The following RBM19 variants were observed in gnomAD, a reference collection of about 807,000 sequenced individuals.
RBM19 encodes the protein RNA binding motif protein 19.
A neutral mutation model predicts 116.8 loss-of-function variants in RBM19; 94 were observed. The observed-to-expected ratio is 0.80, with a 90% CI of 0.68 to 0.95. RBM19 has a LOEUF of 0.95. RBM19 is among the 40% of genes least tolerant of loss of function. The probability of loss-of-function intolerance (pLI) is 0.00; values close to 1 mark genes in which losing one functional copy is unlikely to be tolerated. For missense variants in RBM19, 1,161 were observed against 1,220.7 expected (o/e 0.95, Z 0.73); for synonymous variants, 475 against 494.1 (o/e 0.96, Z 0.51).
At chr12:113,865,899 A>ATTC (rs1878768328) in intron 21 of RBM19, among the ~76,000 whole-genome samples, 1 of 152,122 alleles carries the variant, frequency 6.6e-6, no homozygotes, top group Non-Finnish European at 1.5e-5. Flanking sequence ...AATGATGTTC[A>ATTC]AATCATGTGC....
intron 22 of RBM19, among the ~76,000 whole-genome samples, chr12:113,857,719 G>T (rs2135739197): frequency 6.6e-6 from 1 of 152,356 alleles, no homozygotes; most frequent in East Asian, 1.9e-4. Context: ...CTCTCCGAGG[G>T]TCCCCATGCG....
intron 8 of RBM19, among the ~76,000 whole-genome samples, chr12:113,950,475 T>C (rs538989170): frequency 6.6e-6 from 1 of 152,300 alleles, no homozygotes; most frequent in East Asian, 1.9e-4. Flanking sequence ...TAAGCCATTC[T>C]CTGGAGAAGG....
chr12:113,912,974 C>G (rs570738296), intron 21 of RBM19, among the ~76,000 whole-genome samples: 2 of 152,120 alleles, frequency 1.3e-5, no homozygotes, highest in African/African-American at 4.8e-5. Context: ...GAAGGTCTTA[C>G]GTTTCCAGGG....
intron 6 of RBM19, among the ~76,000 whole-genome samples, chr12:113,955,773 T>C (rs1320939613): frequency 1.3e-5 from 2 of 152,236 alleles, no homozygotes; most frequent in East Asian, 3.9e-4. Flanking sequence ...TGAGCCCATA[T>C]ATAGCTTATG....
intron 21 of RBM19, among the ~76,000 whole-genome samples, chr12:113,871,171 C>T (rs994081171): frequency 9.2e-5 from 14 of 152,206 alleles, no homozygotes; most frequent in Non-Finnish European, 1.6e-4. Flanking sequence ...CCTCAAGACT[C>T]CAGAGAAGCC....
chr12:113,935,575 C>T (rs146602587), intron 16 of RBM19, among the ~76,000 whole-genome samples: 3 of 152,134 alleles, frequency 2.0e-5, no homozygotes, highest in East Asian at 3.9e-4. Context: ...GTCCTCAGAT[C>T]GCAAAGGGAC....
chr12:113,835,749 C>T (rs1434753163), intron 23 of RBM19, among the ~76,000 whole-genome samples: 1 of 152,234 alleles, frequency 6.6e-6, no homozygotes, highest in Non-Finnish European at 1.5e-5. Context: ...GAAGGCCCCA[C>T]TGCCAGCCAC....
Position 113,959,344 on chromosome 12 carries a change from C to T in RBM19, c.439G>A (p.Ala147Thr). ...TCCAGGCCATCATTCGCCCAAGTGG[C>T]TGCCTGCGCCCGCCTCTGATGAACT... ...LSVHQRRAQA[A>T]TWANDGLDAE... is the part of the protein sequence containing the mutation. The change falls in exon 5 of 24, where the codon GCC becomes ACC. Residue 147 changes from alanine to threonine, a missense_variant. Transcript: ENST00000261741. 1.9e-6 allele frequency: 3 copies of T among 1,613,480 alleles called. No individual in the cohort carries two copies. The highest frequency in any genetic ancestry group is 1.7e-6 in the Non-Finnish European group (2 of 1,179,408).
At chr12:113,887,724 C>T (rs189711923) in intron 21 of RBM19, among the ~76,000 whole-genome samples, 4 of 151,752 alleles carry the variant, frequency 2.6e-5, no homozygotes, top group Admixed American at 2.0e-4. Flanking sequence ...CTCAGGCACC[C>T]AACCTTTTTG....
At position 113,851,374 on chromosome 12, in the gene RBM19, C is replaced by T. The variant is rs865856129; in HGVS notation, c.2665-6586G>A. ...AGCTGATTGTGAGGCAAACATGAGA[C>T]GAGGAGACAAAAGTGGGACACACTT... On this transcript the variant is annotated intron_variant, in intron 22 of 23. Transcript: ENST00000261741. Among the ~76,000 whole-genome samples, 28 of 152,228 alleles carry T rather than the reference C, an allele frequency of 1.8e-4. No homozygotes were observed. The Middle Eastern group carries it at 0.01, about 55-fold the overall frequency.
At chr12:113,901,844 A>T (rs919375026) in intron 21 of RBM19, among the ~76,000 whole-genome samples, 6 of 152,308 alleles carry the variant, frequency 3.9e-5, no homozygotes, top group Admixed American at 3.3e-4. Flanking sequence ...CATCCTTAAC[A>T]AACAGTTAAC....
chr12:113,947,587 C>T (rs1401608072), intron 10 of RBM19, 123 bp from the exon 11 acceptor site: 21 of 1,054,218 alleles, frequency 2.0e-5, no homozygotes, highest in Middle Eastern at 2.9e-4. Context: ...CAGTCCCCTA[C>T]GTGTGTCTAT....
At chr12:113,862,386 T>C (rs1878467646) in intron 21 of RBM19, among the ~76,000 whole-genome samples, 1 of 152,034 alleles carries the variant, frequency 6.6e-6, no homozygotes, top group Non-Finnish European at 1.5e-5. Flanking sequence ...GTTGCTTGTA[T>C]AACGGTGTGG....
At chr12:113,924,118 AG>A (rs1210623454) in intron 18 of RBM19, among the ~76,000 whole-genome samples, 1 of 152,220 alleles carries the variant, frequency 6.6e-6, no homozygotes, top group Non-Finnish European at 1.5e-5. Context: ...AGCAGAGGCC[AG>A]GAGACTCAGA....
chr12:113,936,554 G>C (rs1256760045), intron 16 of RBM19, among the ~76,000 whole-genome samples: 1 of 152,232 alleles, frequency 6.6e-6, no homozygotes, highest in Non-Finnish European at 1.5e-5. Flanking sequence ...TTAGCCAGGG[G>C]GTGGGGGTTG....
At chr12:113,874,114 C>G (rs1187346909) in intron 21 of RBM19, among the ~76,000 whole-genome samples, 3 of 152,234 alleles carry the variant, frequency 2.0e-5, no homozygotes, top group African/African-American at 4.8e-5. Flanking sequence ...TCATTTGTCA[C>G]CTCGATGTTA....
intron 21 of RBM19, among the ~76,000 whole-genome samples, chr12:113,866,309 G>A (rs1213114244): frequency 6.6e-6 from 1 of 152,034 alleles, no homozygotes; most frequent in Non-Finnish European, 1.5e-5. Flanking sequence ...TTCCAAGAAA[G>A]TGAAAAAAAG....
intron 15 of RBM19, among the ~76,000 whole-genome samples, chr12:113,939,411 G>C (rs980637689): frequency 2.0e-5 from 3 of 152,184 alleles, no homozygotes; most frequent in Non-Finnish European, 4.4e-5. Flanking sequence ...AAAAGCTAGA[G>C]TCAGGCAAGG....
intron 21 of RBM19, among the ~76,000 whole-genome samples, chr12:113,901,453 T>C (rs185099262): frequency 3.3e-5 from 5 of 152,264 alleles, no homozygotes; most frequent in South Asian, 2.1e-4. Context: ...AAGTTTCACA[T>C]AGAGAGTAAG....
Sources: gnomAD v4.1 joint callset for allele counts (sites outside exome capture counted in the v4.1 genomes callset) on GRCh38, gnomAD v4.1.1 for gene constraint, MANE v1.5 for transcripts, NCBI Gene and HGNC (gene_info 2026-07-23, HGNC 2026-07-21) for gene names.